Variants in PLCH2 observed in about 807,000 individuals in gnomAD.
PLCH2 encodes phospholipase C eta 2, also known as 1-phosphatidylinositol 4,5-bisphosphate phosphodiesterase eta-2.
A neutral mutation model predicts 134.7 loss-of-function variants in PLCH2; 98 were observed. The ratio of observed to expected loss-of-function variants is 0.73; its 90% CI spans 0.62 to 0.86. PLCH2 has a LOEUF of 0.86. Among genes scored for constraint, PLCH2 ranks in the 40% least tolerant of loss-of-function variants. The pLI is 0.00. For synonymous variants in PLCH2, 974 were observed against 827.5 expected (o/e 1.18, Z -3.04); for missense variants, 1,994 against 1,986.6 (o/e 1.00, Z -0.07).
At chr1:2,502,513 G>A in intron 21 of PLCH2, 104 bp downstream of exon 21, 2 of 1,180,562 alleles carry the variant, frequency 1.7e-6, no homozygotes, top group Non-Finnish European at 1.2e-6. Context: ...CATGCATGAA[G>A]TGTGTGGTGG....
At chr1:2,499,864 A>G (rs1013589365) in intron 20 of PLCH2, 144 bp downstream of exon 20, 2 of 674,382 alleles carry the variant, frequency 3.0e-6, no homozygotes, top group African/African-American at 1.8e-5. Flanking sequence ...CTGCTCCTCT[A>G]TCTCAAGAGG....
chr1:2,491,348 A>C lies in PLCH2; in HGVS notation c.1659+13A>C. The C allele has an allele frequency of 6.2e-7, 1 of 1,610,212 alleles. No homozygotes were observed. On this transcript the variant is annotated intron_variant, in intron 11 of 21. Transcript: ENST00000378486. ...GCTCGGACGCAAGGTAGAGGCCAAA[A>C]AGGTGACACCCCTGATGCCGACAGG...
upstream of PLCH2, among the ~76,000 whole-genome samples, chr1:2,475,689 C>T (rs1345745818): frequency 2.6e-5 from 4 of 152,184 alleles, no homozygotes; most frequent in African/African-American, 9.7e-5. Context: ...GGCATGGGGC[C>T]ACCTCCTCCG....
At chr1:2,480,632 C>A (rs1293987316) in intron 4 of PLCH2, among the ~76,000 whole-genome samples, 1 of 152,074 alleles carries the variant, frequency 6.6e-6, no homozygotes, top group Non-Finnish European at 1.5e-5. Flanking sequence ...GGGCAGGTGC[C>A]CAAATGAAGC....
Position 2,476,472 on chromosome 1 carries a change from A to C in PLCH2, c.-117A>C, listed in dbSNP as rs912647074. The C allele has an allele frequency of 2.5e-5, 24 of 976,700 alleles. No individual in the cohort carries two copies. Among genetic ancestry groups the C allele is most frequent in the South Asian group, 5.4e-5 (3 of 55,904 alleles). 60.5% of individuals were successfully genotyped at this position (976,700 alleles called of 1,614,324 possible). On this transcript the variant is annotated 5_prime_UTR_variant, in exon 1 of 22. Transcript: ENST00000378486. Reference sequence around the variant, plus strand: ...CCTGAGGAGGAGGAGGAAGAGGCAGAGGAGAGAAGGCCCCACGGAGGTCCT... The same window carrying C: ...CCTGAGGAGGAGGAGGAAGAGGCAGCGGAGAGAAGGCCCCACGGAGGTCCT...
chr1:2,427,893 G>A (rs1638877856), intron 1 of PLCH2, among the ~76,000 whole-genome samples: 1 of 152,160 alleles, frequency 6.6e-6, no homozygotes, highest in South Asian at 2.1e-4. Context: ...CTGTGGGTGA[G>A]AGCAGTGGGC....
chr1:2,435,835 G>A (rs1017150587), intron 2 of PLCH2, among the ~76,000 whole-genome samples: 6 of 151,950 alleles, frequency 3.9e-5, no homozygotes, highest in African/African-American at 1.5e-4. Context: ...GGCTCAGCTG[G>A]GAACACCTGG....
rs746597735 is a variant in PLCH2, at chr1:2,504,813, G to A, written c.3851G>A (p.Gly1284Glu). Residue 1284 changes from glycine (G) to glutamate (E), a missense_variant, in exon 22 of 22, where the codon GGA becomes GAA. By Grantham distance (98) the Gly-to-Glu change is moderately conservative (BLOSUM62 -2). Coordinates refer to ENST00000378486, the MANE Select transcript of PLCH2 (RefSeq NM_014638.4). ...CTGAGCCACAGCCTGGGCCTCCCGG[G>A]AGGGACACGGCGGGTGTCGGGGCCA... ...RRLSHSLGLP[G>E]GTRRVSGPGV... The A allele has an allele frequency of 5.6e-6, 9 of 1,611,062 alleles. No homozygotes were observed. Among genetic ancestry groups the A allele is most frequent in the Non-Finnish European group, 7.6e-6 (9 of 1,179,300 alleles).
At chr1:2,445,818 A>G (rs559557431) in intron 2 of PLCH2, among the ~76,000 whole-genome samples, 1 of 152,340 alleles carries the variant, frequency 6.6e-6, no homozygotes, top group East Asian at 1.9e-4. Flanking sequence ...GTCTGACAAT[A>G]CGAGTTGTAA....
Position 2,505,179 on chromosome 1 carries a change from C to A in PLCH2, c.4217C>A (p.Ala1406Glu), listed in dbSNP as rs375435461. 1.3e-6 allele frequency: 2 copies of A among 1,571,832 alleles called. No homozygotes were observed. The highest frequency in any genetic ancestry group is 1.3e-5 in the African/African-American group (1 of 74,200). Residue 1406 changes from alanine (A) to glutamate (E), a missense_variant, in exon 22 of 22, where the codon GCG becomes GAG. Transcript: ENST00000378486. ...PSKGALGPAS[A>E]AAENLVLLRL ...AAGGGAGCCCTCGGGCCAGCATCCG[C>A]GGCTGCTGAAAACCTGGTCCTGCTC...
At chr1:2,475,726 G>A (rs1177950256), upstream of PLCH2, among the ~76,000 whole-genome samples, 3 of 152,238 alleles carry the variant, frequency 2.0e-5, no homozygotes, top group Middle Eastern at 6.3e-3. Flanking sequence ...GTGGAGAAAG[G>A]TCAGGCTGGG....
Position 2,495,551 on chromosome 1 carries a change from C to A in PLCH2, c.1816C>A (p.Pro606Thr). 6.5e-7 allele frequency: 1 copy of A among 1,550,160 alleles called. No individual in the cohort carries two copies. The highest frequency in any genetic ancestry group is 1.4e-5 in the African/African-American group (1 of 73,112). ...VEEGDEGQDS[P>T]GGQSRGATRQ... ...GGAGGGAGATGAGGGTCAGGACTCC[C>A]CGGGAGGCCAGAGCCGAGGGTAGGT... The change falls in exon 13 of 22, where the codon CCG becomes ACG. Residue 606 changes from proline to threonine, a missense_variant. Transcript: ENST00000378486.
intron 2 of PLCH2, among the ~76,000 whole-genome samples, chr1:2,458,819 C>G (rs182739461): frequency 2.8e-4 from 43 of 152,332 alleles, no homozygotes; most frequent in African/African-American, 9.9e-4. Flanking sequence ...CCTGTACTCC[C>G]GAGTCTCACT....
At chr1:2,494,202 C>T (rs910944676) in intron 11 of PLCH2, among the ~76,000 whole-genome samples, 1 of 152,180 alleles carries the variant, frequency 6.6e-6, no homozygotes, top group Non-Finnish European at 1.5e-5. Context: ...GTGGCACAGG[C>T]TCTGCTGGTT....
rs767078195 is a variant in PLCH2 at position 2,504,998 on chromosome 1, G to A, written c.4036G>A (p.Val1346Met). 41 of 1,547,148 alleles carry A rather than the reference G, an allele frequency of 2.7e-5. No individual in the cohort carries two copies. The highest frequency in any genetic ancestry group is 1.2e-4 in the African/African-American group (9 of 73,214). Reference sequence around the variant, plus strand: ...CTCCTCCTCCCGCAGCCACAGCCGCGTGCGTGCCATTGCCAGCCGGGCCCG... The same window carrying A: ...CTCCTCCTCCCGCAGCCACAGCCGCATGCGTGCCATTGCCAGCCGGGCCCG... The part of the protein sequence containing the change: ...RRSSSRSHSR[V>M]RAIASRARQA... The change falls in exon 22 of 22, where the codon GTG (valine) becomes ATG (methionine). Residue 1346 changes from valine to methionine, a missense_variant. Val to Met is a conservative substitution (Grantham distance 21). This residue lies in a region of PLCH2 where 900 missense variants were observed against 752.3 expected (regional missense o/e 1.20). Coordinates refer to ENST00000378486, the MANE Select transcript of PLCH2 (RefSeq NM_014638.4).
In PLCH2 at chr1:2,483,786, TGGGGGGGCGCTGACCCCCGTGTG is replaced by T. The variant is rs1558004733; in HGVS notation, c.646-657_646-635del. 9.9e-5 allele frequency among the ~76,000 whole-genome samples: 13 copies of T among 130,906 alleles called. 2 individuals carry two copies. Among genetic ancestry groups the T allele is most frequent in the South Asian group, 9.8e-4 (4 of 4,096 alleles). 85.9% of individuals were successfully genotyped at this position (130,906 alleles called of 152,430 possible). On this transcript the variant is annotated intron_variant, in intron 4 of 21. Coordinates refer to ENST00000378486, the MANE Select transcript of PLCH2 (RefSeq NM_014638.4). Reference sequence around the variant, plus strand: ...GTTTGGGGGGGCGCTGACCCCCGTTTGGGGGGGCGCTGACCCCCGTGTGGGGGTGGCGCTGACCCCCGTGTGGG... The same window carrying T: ...GTTTGGGGGGGCGCTGACCCCCGTTTGGGGTGGCGCTGACCCCCGTGTGGG...
At position 2,479,765 on chromosome 1, in the gene PLCH2, G is replaced by A. The variant is rs1409316938; in HGVS notation, c.303G>A (p.Glu101=). 2.6e-6 allele frequency: 4 copies of A among 1,550,142 alleles called. No homozygotes were observed. Among genetic ancestry groups the A allele is most frequent in the Non-Finnish European group, 3.5e-6 (4 of 1,145,696 alleles). Residue 101 remains glutamate (E), a synonymous_variant, in exon 3 of 22, where the codon GAG becomes GAA. Transcript: ENST00000378486. The part of the protein sequence containing the change: ...ISIDSIQEVS[E]GRQSEVFQRY... ...TCGACTCCATCCAGGAGGTGAGTGA[G>A]GGGCGGCAGTCGGAGGTCTTCCAGC...
rs1641885085 is a variant in PLCH2 at position 2,480,184 on chromosome 1, T to C, written c.517T>C (p.Trp173Arg). 3.7e-6 allele frequency: 6 copies of C among 1,612,736 alleles called. 1 individual carries two copies. The South Asian group carries it at 6.6e-5, about 18-fold the overall frequency. Reference sequence around the variant, plus strand: ...GTTGGCCCCTAACTCGGCACCAAAGTGGCTGAAGCAGACGTTTGACGAGGC... The same window carrying C: ...GTTGGCCCCTAACTCGGCACCAAAGCGGCTGAAGCAGACGTTTGACGAGGC... ...LARRQRTRDQ[W>R]LKQTFDEADK... The change falls in exon 4 of 22, where the codon TGG becomes CGG. Residue 173 changes from tryptophan (W) to arginine (R), a missense_variant and splice_region_variant. By Grantham distance (101) the Trp-to-Arg change is moderately radical. This residue lies in a region of PLCH2 where 1,094 missense variants were observed against 1,234.3 expected (regional missense o/e 0.89). Coordinates refer to ENST00000378486, the MANE Select transcript of PLCH2 (RefSeq NM_014638.4).
the PLCH2 span, among the ~76,000 whole-genome samples, chr1:2,418,862 G>A: frequency 6.6e-6 from 1 of 152,194 alleles, no homozygotes; most frequent in African/African-American, 2.4e-5. Flanking sequence ...GCCCAGTTAT[G>A]CCCAGGTCTC....
Sources: allele counts gnomAD v4.1 joint callset (sites outside exome capture counted in the v4.1 genomes callset), GRCh38; gene constraint gnomAD v4.1.1; regional missense constraint gnomAD v4.1.1; transcripts MANE v1.5; gene names NCBI Gene and HGNC (gene_info 2026-07-23, HGNC 2026-07-21).